Variants in RNF123 observed in about 807,000 individuals in gnomAD.
RNF123 encodes ring finger protein 123.
A neutral mutation model predicts 168.5 loss-of-function variants in RNF123; 86 were observed. The ratio of observed to expected loss-of-function variants is 0.51; its 90% CI spans 0.43 to 0.61. The LOEUF (loss-of-function observed/expected upper bound fraction) is 0.61. Among genes scored for constraint, RNF123 ranks in the 20% least tolerant of loss-of-function variants. The pLI is 0.00. For missense variants in RNF123, 1,419 were observed against 1,729.7 expected (o/e 0.82, Z 3.19); for synonymous variants, 666 against 689.1 (o/e 0.97, Z 0.52).
chr3:49,714,082 C>A lies in RNF123; in HGVS notation c.2926-8C>A, dbSNP rs771455294. ...CATTGACCTGGGCACTGACCCCCAC[C>A]TCCACAGGGCTGTGGCTTCGGGTAC... On this transcript the variant is annotated splice_polypyrimidine_tract_variant and splice_region_variant and intron_variant, in intron 30 of 38. Transcript: ENST00000327697. 1 of 1,614,068 alleles carries A rather than the reference C, an allele frequency of 6.2e-7. No individual in the cohort carries two copies. Among genetic ancestry groups the A allele is most frequent in the Non-Finnish European group, 8.5e-7 (1 of 1,180,020 alleles).
chr3:49,703,070 G>T (rs557733252), intron 20 of RNF123, among the ~76,000 whole-genome samples: 4 of 152,324 alleles, frequency 2.6e-5, no homozygotes, highest in South Asian at 2.1e-4. Context: ...GGGTGCTGGG[G>T]GGCCCTGTGT....
rs543835310 is a variant in RNF123, at chr3:49,721,316, C to T, written c.*11C>T. On this transcript the variant is annotated 3_prime_UTR_variant, in exon 39 of 39. Transcript: ENST00000327697. ...TCCTCAGCTGCCTAGCCCTCACAGC[C>T]TGTGCCATCCTGGAACCTCCACCTT... The T allele has an allele frequency of 6.2e-7, 1 of 1,614,176 alleles. No homozygotes were observed. Among genetic ancestry groups the T allele is most frequent in the East Asian group, 2.2e-5 (1 of 44,888 alleles).
rs1270401159 is a variant in RNF123 at position 49,721,034 on chromosome 3, G to C, written c.3753G>C (p.Glu1251Asp). 1.2e-6 allele frequency: 2 copies of C among 1,612,532 alleles called. No homozygotes were observed. Among genetic ancestry groups the C allele is most frequent in the Admixed American group, 1.7e-5 (1 of 59,902 alleles). ...CCTCCCTGCAGCCCACCAGTGAGGA[G>C]GACCTCTGCCCCATCTGCTATGCCC... ...AAAASLPTSE[E>D]DLCPICYAHP... is the part of the protein sequence containing the mutation. The change falls in exon 38 of 39, where the codon GAG becomes GAC. Residue 1251 changes from glutamate to aspartate, a missense_variant. By Grantham distance (45) the Glu-to-Asp change is conservative. This residue lies in a region of RNF123 where 164 missense variants were observed against 152.3 expected (regional missense o/e 1.08). Coordinates refer to ENST00000327697, the MANE Select transcript of RNF123 (RefSeq NM_022064.5).
chr3:49,718,093 T>A (rs750740311), intron 35 of RNF123: 1 of 1,613,580 alleles, frequency 6.2e-7, no homozygotes, highest in South Asian at 1.1e-5. Context: ...CCGGCCTGGC[T>A]CCAGAAAGAC....
chr3:49,701,402 C>A, intron 15 of RNF123, 89 bp from the exon 16 acceptor site: 1 of 980,254 alleles, frequency 1.0e-6, no homozygotes, highest in Non-Finnish European at 1.6e-6. Flanking sequence ...CTGTGGTAGG[C>A]ACATCCAGGG....
chr3:49,700,111 G>T, intron 12 of RNF123, 116 bp from the exon 13 acceptor site: 1 of 1,452,858 alleles, frequency 6.9e-7, no homozygotes, highest in Admixed American at 2.1e-5. Context: ...GTTTGGTGTT[G>T]CTCGAGTGGC....
intron 16 of RNF123, 35 bp downstream of exon 16, chr3:49,701,643 T>C: frequency 6.3e-7 from 1 of 1,577,062 alleles, no homozygotes; most frequent in Admixed American, 1.7e-5. Flanking sequence ...GCAGAGGTCA[T>C]GGCAAGGCCC....
In RNF123 at chr3:49,704,673, A is replaced by G. The variant is rs774924123; in HGVS notation, c.1876A>G (p.Ile626Val). The G allele has an allele frequency of 5.0e-6, 8 of 1,609,882 alleles. No individual in the cohort carries two copies. The African/African-American group carries it at 6.7e-5, about 13-fold the overall frequency. ...AGATGACCTTGCTTCCAAAGCCAACATTGTGATCGACCCACTGGAGCTCCA... is the reference window on the plus strand; with the variant it reads ...AGATGACCTTGCTTCCAAAGCCAACGTTGTGATCGACCCACTGGAGCTCCA... ...LKDDLASKAN[I>V]VIDPLELQST... Residue 626 changes from isoleucine to valine, a missense_variant, in exon 22 of 39, where the codon ATT (isoleucine) becomes GTT (valine). Around this residue, in one of 5 missense-constraint regions of RNF123, gnomAD observed 538 missense variants for 708.8 expected, o/e 0.76. Coordinates refer to ENST00000327697, the MANE Select transcript of RNF123 (RefSeq NM_022064.5).
intron 35 of RNF123, chr3:49,719,026 T>C (rs1297255552): frequency 6.2e-7 from 1 of 1,613,774 alleles, no homozygotes; most frequent in Non-Finnish European, 8.5e-7. Context: ...CTCGTCCAAG[T>C]GCACCAAGCG....
rs1180167535 is a variant in RNF123, at chr3:49,689,607, G to C, written c.-37+1G>C. The C allele has an allele frequency of 1.3e-5, 2 of 152,508 alleles. No individual in the cohort carries two copies. Among genetic ancestry groups the C allele is most frequent in the Non-Finnish European group, 2.9e-5 (2 of 68,254 alleles). 9.4% of individuals were successfully genotyped at this position (152,508 alleles called of 1,614,324 possible). ...CGGGTCGCTGCGGCCGAGGCTCCGG[G>C]TGAGTGAGGGGCGGCAGGGCTCTGA... On this transcript the variant is annotated splice_donor_variant, in intron 1 of 38. Coordinates refer to ENST00000327697, the MANE Select transcript of RNF123 (RefSeq NM_022064.5). LOFTEE classifies it low-confidence loss of function (5UTR_SPLICE).
intron 4 of RNF123, 30 bp from the exon 5 acceptor site, chr3:49,697,333 C>G (rs1210964889): frequency 3.7e-6 from 6 of 1,602,100 alleles, no homozygotes; most frequent in Non-Finnish European, 5.1e-6. Context: ...AATGCTCCAC[C>G]CTGCCTGACC....
intron 21 of RNF123, among the ~76,000 whole-genome samples, 154 bp from the exon 22 acceptor site, chr3:49,704,496 G>A (rs1289722777): frequency 2.6e-5 from 4 of 152,172 alleles, no homozygotes; most frequent in African/African-American, 4.8e-5. Context: ...AGGCTGGGTG[G>A]AGGAGGCGGA....
At chr3:49,695,652 G>A (rs561112476) in intron 3 of RNF123, among the ~76,000 whole-genome samples, 12 of 152,206 alleles carry the variant, frequency 7.9e-5, no homozygotes, top group Admixed American at 3.9e-4. Flanking sequence ...TTGTCAGGGT[G>A]CTTGTCCAAC....
intron 35 of RNF123, chr3:49,719,272 T>C: frequency 6.2e-7 from 1 of 1,613,358 alleles, no homozygotes; most frequent in Non-Finnish European, 8.5e-7. Context: ...CAGGTCGAGG[T>C]CCGCAGTAGC....
rs1194818995 is a variant in RNF123, at chr3:49,718,663, C to T, written c.3501-1848C>T. 1 of 1,613,022 alleles carries T rather than the reference C, an allele frequency of 6.2e-7. No individual in the cohort carries two copies. Among genetic ancestry groups the T allele is most frequent in the Admixed American group, 1.7e-5 (1 of 60,028 alleles). ...GGCCGACGAGCAGTTCTCAAAGACG[C>T]GGCTGTGCTGGAAGAAGCGCACGCG... On this transcript the variant is annotated intron_variant, in intron 35 of 38. Transcript: ENST00000327697.
chr3:49,694,123 A>C (rs575009053), intron 3 of RNF123, among the ~76,000 whole-genome samples: 1 of 152,182 alleles, frequency 6.6e-6, no homozygotes, highest in Non-Finnish European at 1.5e-5. Context: ...TTTATCTTAT[A>C]ATGTATGTAG....
chr3:49,718,999 A>G (rs1264120698), intron 35 of RNF123: 1 of 1,613,754 alleles, frequency 6.2e-7, no homozygotes, highest in African/African-American at 1.3e-5. Context: ...GAGCGCGCGC[A>G]GGCCGTGGAA....
At chr3:49,704,927 C>T (rs1360358886) in intron 22 of RNF123, 57 bp from the exon 23 acceptor site, 23 of 1,515,482 alleles carry the variant, frequency 1.5e-5, no homozygotes, top group African/African-American at 6.9e-5. Context: ...TCTGCAGCCC[C>T]GTGGGCCAAG....
chr3:49,701,624 G>T lies in RNF123; in HGVS notation c.1395+16G>T. 6.2e-7 allele frequency: 1 copy of T among 1,603,526 alleles called. No homozygotes were observed. The highest frequency in any genetic ancestry group is 8.5e-7 in the Non-Finnish European group (1 of 1,170,800). On this transcript the variant is annotated intron_variant, in intron 16 of 38. Transcript: ENST00000327697. ...CAGTAGGGAGGTGAGTGCACCCCAA[G>T]TGGGATGGGCAGAGGTCATGGCAAG...
Sources: allele counts gnomAD v4.1 joint callset (sites outside exome capture counted in the v4.1 genomes callset), GRCh38; gene constraint gnomAD v4.1.1; regional missense constraint gnomAD v4.1.1; transcripts MANE v1.5; gene names NCBI Gene and HGNC (gene_info 2026-07-23, HGNC 2026-07-21).